Variants in FARSA observed in about 807,000 individuals in gnomAD.
FARSA encodes the protein phenylalanine--tRNA ligase alpha subunit.
Under a neutral mutation model 63.2 loss-of-function variants are expected in FARSA, and 37 were observed. The ratio of observed to expected loss-of-function variants is 0.59; its 90% CI spans 0.45 to 0.77. The LOEUF (loss-of-function observed/expected upper bound fraction) is 0.77, where lower values mean the gene tolerates loss of function less well. Among genes scored for constraint, FARSA ranks in the 30% least tolerant of loss-of-function variants. The pLI, the probability that FARSA is intolerant of heterozygous loss-of-function variation, is 0.00. For missense variants in FARSA, 618 were observed against 696.6 expected, an observed-to-expected ratio of 0.89 and a Z score of 1.27; for synonymous variants, 312 against 285.1, an observed-to-expected ratio of 1.09 and a Z score of -0.95.
At chr19:12,925,518 C>T (rs1369371866) in intron 7 of FARSA, among the ~76,000 whole-genome samples, 7 of 151,062 alleles carry the variant, frequency 4.6e-5, no homozygotes, top group East Asian at 1.9e-4. Flanking sequence ...CCACCACACC[C>T]GGGAAATTTT....
rs1971353169 is a variant in FARSA at position 12,928,562 on chromosome 19, T to C, written c.698A>G (p.Gln233Arg). The C allele has an allele frequency of 6.2e-7, 1 of 1,613,976 alleles. No homozygotes were observed. Among genetic ancestry groups the C allele is most frequent in the Non-Finnish European group, 8.5e-7 (1 of 1,179,952 alleles). The change falls in exon 6 of 13, where the codon CAG becomes CGG. Residue 233 changes from glutamine (Q) to arginine (R), a missense_variant. Physicochemically the swap from Gln to Arg is conservative, Grantham distance 43 (BLOSUM62 1). Coordinates refer to ENST00000314606, the MANE Select transcript of FARSA (RefSeq NM_004461.3). The part of the protein sequence containing the change: ...HLHPLLKVRS[Q>R]FRQIFLEMGF... ...CATCTCCAGGAAGATCTGTCGGAAC[T>C]GGGAGCGGACCTTGAGCAGCGGGTG...
At position 12,926,465 on chromosome 19, in the gene FARSA, G is replaced by A. The variant is rs1173847711; in HGVS notation, c.842-1291C>T. ...TGTTTTTGTATTTTTGGTAGAGACG[G>A]GGTTTCACTGTGTTATCCAGGATGG... On this transcript the variant is annotated intron_variant, in intron 7 of 12. Transcript: ENST00000314606. 2.7e-5 allele frequency among the ~76,000 whole-genome samples: 4 copies of A among 150,228 alleles called. No homozygotes were observed. In the South Asian group the frequency reaches 6.3e-4, roughly 24 times the overall value.
At position 12,933,469 on chromosome 19, in the gene FARSA, T is replaced by G. The variant is rs1477690357; in HGVS notation, c.147+81A>C. 2.0e-6 allele frequency: 3 copies of G among 1,482,618 alleles called. No individual in the cohort carries two copies. In the African/African-American group the frequency reaches 4.2e-5, roughly 21 times the overall value. 91.8% of individuals were successfully genotyped at this position (1,482,618 alleles called of 1,614,324 possible). A position where few individuals can be genotyped will look rare whatever the true frequency, so the allele number is the denominator to read the frequency against. Reference sequence around the variant, plus strand: ...TACCCCAAACTAGGCCTGAGGGAATTTGGCTTGGACGTAGAGCGCCCGTGG... The same window carrying G: ...TACCCCAAACTAGGCCTGAGGGAATGTGGCTTGGACGTAGAGCGCCCGTGG... On this transcript the variant is annotated intron_variant, in intron 1 of 12. Transcript: ENST00000314606.
rs753769393 is a variant in FARSA at position 12,922,882 on chromosome 19, T to C, written c.1393A>G (p.Thr465Ala). The C allele has an allele frequency of 9.9e-6, 16 of 1,614,014 alleles. No individual in the cohort carries two copies. Among genetic ancestry groups the C allele is most frequent in the African/African-American group, 2.7e-5 (2 of 74,920 alleles). Residue 465 changes from threonine to alanine, a missense_variant, in exon 13 of 13, where the codon ACG (threonine) becomes GCG (alanine). Thr to Ala is a moderately conservative substitution (Grantham distance 58). Coordinates refer to ENST00000314606, the MANE Select transcript of FARSA (RefSeq NM_004461.3). ...TTGTTGATGCCATATTTGATCATCGTTGGGCTTGTGGGGGAGGGAACAGAG... is the reference window on the plus strand; with the variant it reads ...TTGTTGATGCCATATTTGATCATCGCTGGGCTTGTGGGGGAGGGAACAGAG... ...IAWGLSLERP[T>A]MIKYGINNIR...
At chr19:12,932,337 T>A (rs1258287482) in intron 1 of FARSA, among the ~76,000 whole-genome samples, 1 of 152,208 alleles carries the variant, frequency 6.6e-6, no homozygotes, top group East Asian at 1.9e-4. Flanking sequence ...GCATAAATTC[T>A]AATTACTATA....
In FARSA at chr19:12,930,667, T is replaced by C; in HGVS notation, c.230A>G (p.Glu77Gly). 6.2e-7 allele frequency: 1 copy of C among 1,613,896 alleles called. No homozygotes were observed. The highest frequency in any genetic ancestry group is 8.5e-7 in the Non-Finnish European group (1 of 1,179,998). Residue 77 changes from glutamate to glycine, a missense_variant, in exon 2 of 13, where the codon GAG becomes GGG. Glu to Gly is a moderately conservative substitution (Grantham distance 98, BLOSUM62 -2). Transcript: ENST00000314606. ...GEEIAREGSH[E>G]ARVFRSIPPE... is the part of the protein sequence containing the mutation. ...GGGAATGCTTCGAAACACACGGGCC[T>C]CATGGCTGCCCTCCCGGGCAATCTC...
chr19:12,924,548 C>T lies in FARSA; in HGVS notation c.1196-22G>A, dbSNP rs751970135. The T allele has an allele frequency of 2.0e-5, 32 of 1,613,154 alleles. 1 individual carries two copies. The Admixed American group carries it at 2.0e-4, about 10-fold the overall frequency. ...ATACCTGCAGGAAGTGGGGGGCGGG[C>T]AGGAGAGCAGGGGTTTGGAGGATAA... On this transcript the variant is annotated intron_variant, in intron 10 of 12. Coordinates refer to ENST00000314606, the MANE Select transcript of FARSA (RefSeq NM_004461.3). This position sits in a 1 kb window ranked among gnomAD's most constrained non-coding sequence, Gnocchi z 6.4.
intron 7 of FARSA, among the ~76,000 whole-genome samples, chr19:12,928,075 G>A (rs1971347658): frequency 6.8e-6 from 1 of 147,612 alleles, no homozygotes; most frequent in Non-Finnish European, 1.5e-5. Flanking sequence ...TGAGAACAGA[G>A]CTTGACACAT....
rs1971301248 is a variant in FARSA at position 12,924,492 on chromosome 19, G to T, written c.1230C>A (p.Asn410Lys). 5 of 1,613,570 alleles carry T rather than the reference G, an allele frequency of 3.1e-6. No homozygotes were observed. Among genetic ancestry groups the T allele is most frequent in the Non-Finnish European group, 3.4e-6 (4 of 1,180,026 alleles). Residue 410 changes from asparagine to lysine, a missense_variant, in exon 11 of 13, where the codon AAC (asparagine) becomes AAA (lysine). By Grantham distance (94) the Asn-to-Lys change is moderately conservative. Coordinates refer to ENST00000314606, the MANE Select transcript of FARSA (RefSeq NM_004461.3). The surrounding 1 kb of genome is among the most constrained non-coding windows in gnomAD (Gnocchi z 6.4). ...CCTCCATGCTGGGCTCTGTGTATGG[G>T]TTGTAGGCTGGCTTGAAGCGGAGTT... ...ITQLRFKPAY[N>K]PYTEPSMEVF...
intron 8 of FARSA, 22 bp from the exon 9 acceptor site, chr19:12,925,025 G>A (rs1323304353): frequency 1.2e-6 from 2 of 1,613,288 alleles, no homozygotes; most frequent in East Asian, 2.2e-5. Flanking sequence ...AAGGTGGGAA[G>A]TCCATGCAAT....
Position 12,924,358 on chromosome 19 carries a change from G to A in FARSA, c.1273+91C>T, listed in dbSNP as rs960348505. ...TGGGTCTAGGTGGTGAGCTTGGGAG[G>A]TGGGGTACAGGCATGGCAATGGGGG... On this transcript the variant is annotated intron_variant, in intron 11 of 12. Coordinates refer to ENST00000314606, the MANE Select transcript of FARSA (RefSeq NM_004461.3). The surrounding 1 kb of genome is among the most constrained non-coding windows in gnomAD (Gnocchi z 6.4). 131 of 1,531,344 alleles carry A rather than the reference G, an allele frequency of 8.6e-5. No individual in the cohort carries two copies. Among genetic ancestry groups the A allele is most frequent in the Non-Finnish European group, 1.1e-4 (127 of 1,109,462 alleles). 94.9% of individuals were successfully genotyped at this position (1,531,344 alleles called of 1,614,324 possible). A position where few individuals can be genotyped will look rare whatever the true frequency, so the allele number is the denominator to read the frequency against.
intron 1 of FARSA, 88 bp downstream of exon 1, chr19:12,933,462 A>G: frequency 6.9e-7 from 1 of 1,457,188 alleles, no homozygotes; most frequent in Non-Finnish European, 9.2e-7. Context: ...ACTAGGCCTG[A>G]GGGAATTTGG....
Position 12,933,603 on chromosome 19 carries a change from T to C in FARSA, c.94A>G (p.Met32Val), listed in dbSNP as rs1220116507. 1 of 1,555,184 alleles carries C rather than the reference T, an allele frequency of 6.4e-7. No homozygotes were observed. Among genetic ancestry groups the C allele is most frequent in the South Asian group, 1.2e-5 (1 of 85,286 alleles). Residue 32 changes from methionine to valine, a missense_variant, in exon 1 of 13, where the codon ATG becomes GTG. Met to Val is a conservative substitution (Grantham distance 21). Transcript: ENST00000314606. ...DSAELAAELGMEHQAVVGAVK... is the reference protein window; with the variant it reads ...DSAELAAELGVEHQAVVGAVK... ...GCGCCCACCACCGCCTGGTGCTCCA[T>C]GCCCAGCTCAGCCGCCAACTCGGCG...
intron 1 of FARSA, 71 bp downstream of exon 1, chr19:12,933,479 C>G (rs1281423129): frequency 6.0e-6 from 9 of 1,505,456 alleles, no homozygotes; most frequent in South Asian, 1.2e-5. Context: ...TTGGCTTGGA[C>G]GTAGAGCGCC....
intron 7 of FARSA, 122 bp from the exon 8 acceptor site, chr19:12,925,296 A>G: frequency 1.4e-6 from 1 of 721,524 alleles, no homozygotes; most frequent in Non-Finnish European, 2.3e-6. Context: ...GCTTACTGCA[A>G]CCTCTGCCTC....
Position 12,924,022 on chromosome 19 carries a change from G to GT in FARSA, c.1388+128dup. The GT allele has an allele frequency of 1.4e-6, 1 of 715,742 alleles. No individual in the cohort carries two copies. The highest frequency in any genetic ancestry group is 2.5e-6 in the Non-Finnish European group (1 of 402,724). 44.3% of individuals were successfully genotyped at this position (715,742 alleles called of 1,614,324 possible). ...TTCACAGCACGGGGCTGAGCATTCAGTTTGTACTCACGATGAAAGTTTTGT... is the reference window on the plus strand; with the variant it reads ...TTCACAGCACGGGGCTGAGCATTCAGTTTTGTACTCACGATGAAAGTTTTGT... On this transcript the variant is annotated intron_variant, in intron 12 of 12. Transcript: ENST00000314606. The surrounding 1 kb of genome is among the most constrained non-coding windows in gnomAD (Gnocchi z 6.4).
chr19:12,928,630 G>A lies in FARSA; in HGVS notation c.630C>T (p.Tyr210=), dbSNP rs745781054. The A allele has an allele frequency of 6.2e-7, 1 of 1,611,270 alleles. No individual in the cohort carries two copies. Among genetic ancestry groups the A allele is most frequent in the Non-Finnish European group, 8.5e-7 (1 of 1,178,686 alleles). The part of the protein sequence containing the change: ...GSWRDRPFKP[Y]NFLAHGVLPD... ...GGAGGACACCGTGGGCCAAGAAGTT[G>A]TAGGGCTTGAAGGGCCGGTCCCGCC... The change falls in exon 6 of 13, where the codon TAC becomes TAT. Residue 210 remains tyrosine, a synonymous_variant. Coordinates refer to ENST00000314606, the MANE Select transcript of FARSA (RefSeq NM_004461.3).
rs757037221 is a variant in FARSA, at chr19:12,926,276, A to AT, written c.842-1103dup. Among the ~76,000 whole-genome samples the AT allele has an allele frequency of 2.0e-3, 178 of 88,694 alleles. 1 individual carries two copies. The highest frequency in any genetic ancestry group is 0.014 in the East Asian group (42 of 3,022). The allele number at this position is 88,694 out of a possible 152,430, so 58.2% of individuals were successfully genotyped here. ...TATTTTTTTTTTTTAAAGGGACAAAATTTTTTTTTTTTTTAGACGGAGTCT... is the reference window on the plus strand; with the variant it reads ...TATTTTTTTTTTTTAAAGGGACAAAATTTTTTTTTTTTTTTAGACGGAGTCT... On this transcript the variant is annotated intron_variant, in intron 7 of 12. Coordinates refer to ENST00000314606, the MANE Select transcript of FARSA (RefSeq NM_004461.3).
At position 12,922,890 on chromosome 19, in the gene FARSA, G is replaced by T. The variant is rs368120403; in HGVS notation, c.1389-4C>A. 3 of 1,613,984 alleles carry T rather than the reference G, an allele frequency of 1.9e-6. No homozygotes were observed. Among genetic ancestry groups the T allele is most frequent in the African/African-American group, 2.7e-5 (2 of 74,900 alleles). On this transcript the variant is annotated splice_region_variant and splice_polypyrimidine_tract_variant and intron_variant, in intron 12 of 12. Coordinates refer to ENST00000314606, the MANE Select transcript of FARSA (RefSeq NM_004461.3). ...GCCATATTTGATCATCGTTGGGCTT[G>T]TGGGGGAGGGAACAGAGTTTATCAT... is the stretch of plus-strand genomic sequence containing the variant.
Sources: allele counts gnomAD v4.1 joint callset (sites outside exome capture counted in the v4.1 genomes callset), GRCh38; gene constraint gnomAD v4.1.1; non-coding constraint Gnocchi (gnomAD v3.1); transcripts MANE v1.5; gene names NCBI Gene and HGNC (gene_info 2026-07-23, HGNC 2026-07-21).